The following ADARB2 variants were observed in gnomAD, a reference collection of about 807,000 sequenced individuals.
The protein encoded by ADARB2 is adenosine deaminase RNA specific B2 (inactive).
ADARB2 carries 25 observed loss-of-function variants against 62.2 expected under a neutral mutation model. The observed-to-expected ratio is 0.40, with a 90% CI of 0.29 to 0.56. The LOEUF is 0.56. Among genes scored for constraint, ADARB2 ranks in the 20% least tolerant of loss-of-function variants. The pLI is 0.43. For synonymous variants in ADARB2, 572 were observed against 500.8 expected, an observed-to-expected ratio of 1.14 and a Z score of -1.90; for missense variants, 1,071 against 1,077.4, an observed-to-expected ratio of 0.99 and a Z score of 0.08.
At chr10:1,578,662 A>AACAC (rs142639523) in intron 1 of ADARB2, among the ~76,000 whole-genome samples, 9,399 of 145,034 alleles carry the variant, frequency 0.065, 330 homozygotes, top group Non-Finnish European at 0.081. Flanking sequence ...TGTTACCCCA[A>AACAC]ACACACACAC....
intron 8 of ADARB2, among the ~76,000 whole-genome samples, chr10:1,195,601 C>A (rs1836899527): frequency 6.6e-6 from 1 of 151,890 alleles, no homozygotes; most frequent in South Asian, 2.1e-4. Flanking sequence ...TGAGGGATGT[C>A]CATGGAGAGG....
chr10:1,663,620 A>ATT (rs55695844), intron 1 of ADARB2, among the ~76,000 whole-genome samples: 45 of 148,416 alleles, frequency 3.0e-4, no homozygotes, highest in South Asian at 4.3e-4. Context: ...TGACAAATGA[A>ATT]TTTTTTTTTT....
chr10:1,652,917 A>G (rs1056929411), intron 1 of ADARB2, among the ~76,000 whole-genome samples: 22 of 152,052 alleles, frequency 1.4e-4, no homozygotes, highest in African/African-American at 4.3e-4. Context: ...GGGGGCATGC[A>G]CGCTTTCTCT....
At chr10:1,224,913 C>G (rs1204638836) in intron 6 of ADARB2, among the ~76,000 whole-genome samples, 1 of 152,150 alleles carries the variant, frequency 6.6e-6, no homozygotes, top group African/African-American at 2.4e-5. Flanking sequence ...GTGGAGAGTT[C>G]TGTAGATGTC....
intron 1 of ADARB2, among the ~76,000 whole-genome samples, chr10:1,379,923 C>T (rs1403258056): frequency 6.6e-6 from 1 of 152,198 alleles, no homozygotes; most frequent in Non-Finnish European, 1.5e-5. Flanking sequence ...CTCCCATGGT[C>T]TCAGCAATTT....
intron 7 of ADARB2, among the ~76,000 whole-genome samples, chr10:1,210,786 A>G (rs1431754946): frequency 6.6e-6 from 1 of 152,216 alleles, no homozygotes; most frequent in Non-Finnish European, 1.5e-5. Flanking sequence ...GAAGCCTGGC[A>G]GGTGGGCCTC....
At chr10:1,289,242 G>A (rs1358637792) in intron 3 of ADARB2, among the ~76,000 whole-genome samples, 1 of 152,160 alleles carries the variant, frequency 6.6e-6, no homozygotes, top group Admixed American at 6.5e-5. Flanking sequence ...GCTTTGAGTT[G>A]TCCCGTCTTT....
chr10:1,187,893 T>C, intron 8 of ADARB2: 1 of 397,054 alleles, frequency 2.5e-6, no homozygotes, highest in Non-Finnish European at 5.3e-6. Context: ...GAGGACAGTG[T>C]CTGCTGTAAA....
intron 1 of ADARB2, among the ~76,000 whole-genome samples, chr10:1,603,000 ACAC>A (rs1833442323): frequency 1.4e-5 from 2 of 147,232 alleles, no homozygotes; most frequent in Admixed American, 6.8e-5. Context: ...ACACCAACAC[ACAC>A]AACTGTACAC....
intron 1 of ADARB2, among the ~76,000 whole-genome samples, chr10:1,722,084 C>T (rs1164703680): frequency 1.3e-5 from 2 of 152,138 alleles, no homozygotes; most frequent in Non-Finnish European, 2.9e-5. Context: ...ATGGGAAGAG[C>T]TATTTTAGTC....
intron 1 of ADARB2, among the ~76,000 whole-genome samples, chr10:1,437,796 G>A (rs902691064): frequency 2.0e-5 from 3 of 152,138 alleles, no homozygotes; most frequent in East Asian, 1.9e-4. Context: ...AAAGTGACAC[G>A]GAATGTGCAG....
At chr10:1,532,386 C>T (rs1207630766) in intron 1 of ADARB2, among the ~76,000 whole-genome samples, 1 of 152,188 alleles carries the variant, frequency 6.6e-6, no homozygotes, top group Non-Finnish European at 1.5e-5. Context: ...CCGTGATCTC[C>T]CGCTCTGATC....
chr10:1,328,847 C>G lies in ADARB2; in HGVS notation c.1077+34181G>C, dbSNP rs543748162. Among the ~76,000 whole-genome samples, 5 of 152,016 alleles carry G rather than the reference C, an allele frequency of 3.3e-5. No homozygotes were observed. In the East Asian group the frequency reaches 9.7e-4, roughly 29 times the overall value. On this transcript the variant is annotated intron_variant, in intron 3 of 9. Transcript: ENST00000381312. ...GACTCTACAAAAATAGAAAAAATAACTGGTCATGGTGGTGTGTGTCTGCAG... is the reference window on the plus strand; with the variant it reads ...GACTCTACAAAAATAGAAAAAATAAGTGGTCATGGTGGTGTGTGTCTGCAG...
intron 1 of ADARB2, among the ~76,000 whole-genome samples, chr10:1,713,559 G>C (rs1834978458): frequency 6.6e-6 from 1 of 152,154 alleles, no homozygotes; most frequent in South Asian, 2.1e-4. Flanking sequence ...GTGGGTTCCA[G>C]GGGGTTCAAA....
At chr10:1,277,872 C>T (rs1317927722) in intron 3 of ADARB2, among the ~76,000 whole-genome samples, 5 of 152,034 alleles carry the variant, frequency 3.3e-5, no homozygotes, top group South Asian at 2.1e-4. Context: ...ACTGGCAAAC[C>T]GAATCCACCA....
At chr10:1,245,373 C>T (rs923740918) in intron 4 of ADARB2, among the ~76,000 whole-genome samples, 1 of 152,032 alleles carries the variant, frequency 6.6e-6, no homozygotes, top group African/African-American at 2.4e-5. Flanking sequence ...TTAGGGTGCA[C>T]ATGTGCACAA....
intron 6 of ADARB2, among the ~76,000 whole-genome samples, chr10:1,231,590 C>G (rs879916344): frequency 6.6e-6 from 1 of 152,186 alleles, no homozygotes; most frequent in Non-Finnish European, 1.5e-5. Context: ...GCCCCTGCCT[C>G]TCTCTCCCTA....
intron 1 of ADARB2, among the ~76,000 whole-genome samples, chr10:1,680,793 T>G (rs970898015): frequency 6.6e-6 from 1 of 152,178 alleles, no homozygotes; most frequent in African/African-American, 2.4e-5. Context: ...GTAACAGGCA[T>G]GTTTGGGTCA....
At chr10:1,377,481 G>A (rs146540412) in intron 2 of ADARB2, among the ~76,000 whole-genome samples, 68 of 134,738 alleles carry the variant, frequency 5.0e-4, no homozygotes, top group South Asian at 4.8e-3. Context: ...GGGTGTGTGT[G>A]CGCATGTGTG....
Sources: allele counts gnomAD v4.1 joint callset (sites outside exome capture counted in the v4.1 genomes callset), GRCh38; gene constraint gnomAD v4.1.1; transcripts MANE v1.5; gene names NCBI Gene and HGNC (gene_info 2026-07-23, HGNC 2026-07-21).